The following SCN2A variants were observed in gnomAD, a reference collection of about 807,000 sequenced individuals.
The protein encoded by SCN2A is sodium channel protein type 2 subunit alpha.
A neutral mutation model predicts 188.7 loss-of-function variants in SCN2A; 20 were observed. That is an observed-to-expected ratio of 0.11 (90% CI 0.07 to 0.15). The LOEUF (loss-of-function observed/expected upper bound fraction) is 0.15. Among genes scored for constraint, SCN2A ranks in the 10% least tolerant of loss-of-function variants. The pLI is 1.00. For missense variants in SCN2A, 1,278 were observed against 2,445.0 expected (o/e 0.52, Z 10.07); for synonymous variants, 804 against 833.1 (o/e 0.97, Z 0.60).
chr2:165,281,314 G>A (rs1695575597), intron 1 of SCN2A, among the ~76,000 whole-genome samples: 1 of 152,014 alleles, frequency 6.6e-6, no homozygotes, highest in Non-Finnish European at 1.5e-5. Flanking sequence ...TGTGTTTTCA[G>A]TTGTAGGGGA....
chr2:165,384,599 G>T (rs1056293097), intron 25 of SCN2A, among the ~76,000 whole-genome samples: 12 of 152,162 alleles, frequency 7.9e-5, no homozygotes, highest in African/African-American at 2.9e-4. Flanking sequence ...TATACTCTAG[G>T]AGCCATATCT....
chr2:165,259,781 T>C (rs1694490536), intron 1 of SCN2A, among the ~76,000 whole-genome samples: 2 of 152,144 alleles, frequency 1.3e-5, no homozygotes, highest in Admixed American at 1.3e-4. Flanking sequence ...CAAATTCCTG[T>C]TAATGTTGAT....
In SCN2A at chr2:165,312,077, C is replaced by T; in HGVS notation, c.1023C>T (p.Ser341=). 6.2e-7 allele frequency: 1 copy of T among 1,612,234 alleles called. No homozygotes were observed. The highest frequency in any genetic ancestry group is 1.3e-5 in the African/African-American group (1 of 74,960). ...GQNDALLCGN[S]SDAGQCPEGY... is the part of the protein sequence containing the mutation. The stretch of plus-strand genomic sequence containing the variant: ...ATGATGCTCTGCTTTGTGGCAACAG[C>T]TCAGATGCAGGGTAAGTGATGCTTC... Residue 341 remains serine (S), a synonymous_variant, in exon 8 of 27, where the codon AGC becomes AGT. Transcript: ENST00000375437.
chr2:165,313,488 T>G, intron 8 of SCN2A, 132 bp from the exon 9 acceptor site: 2 of 902,664 alleles, frequency 2.2e-6, no homozygotes, highest in South Asian at 2.8e-5. Flanking sequence ...AGTTAAGTAC[T>G]GGGTAAGGTG....
At chr2:165,377,469 T>C (rs1701375966) in intron 22 of SCN2A, 128 bp from the exon 23 acceptor site, 2 of 744,160 alleles carry the variant, frequency 2.7e-6, no homozygotes, top group Non-Finnish European at 4.4e-6. Flanking sequence ...CAAAAGTGAA[T>C]ACAAATTTCA....
chr2:165,298,104 C>T (rs1574529753), intron 3 of SCN2A, among the ~76,000 whole-genome samples: 2 of 152,132 alleles, frequency 1.3e-5, no homozygotes, highest in Admixed American at 6.5e-5. Context: ...CTTCAGGAAT[C>T]AGAGGTAAGG....
At chr2:165,248,514 T>C (rs1693952419) in intron 1 of SCN2A, among the ~76,000 whole-genome samples, 1 of 152,146 alleles carries the variant, frequency 6.6e-6, no homozygotes, top group South Asian at 2.1e-4. Flanking sequence ...TACCTACTCT[T>C]AACTATCCCA....
chr2:165,279,881 C>T (rs1024073021), intron 1 of SCN2A, among the ~76,000 whole-genome samples: 7 of 152,084 alleles, frequency 4.6e-5, no homozygotes, highest in Non-Finnish European at 5.9e-5. Flanking sequence ...AGGTGTCTCC[C>T]GTGCTGTTCT....
chr2:165,376,231 T>C (rs1210117325), intron 22 of SCN2A, among the ~76,000 whole-genome samples: 1 of 152,010 alleles, frequency 6.6e-6, no homozygotes, highest in South Asian at 2.1e-4. Flanking sequence ...GCGATAATTA[T>C]ATATTACTTA....
chr2:165,269,849 C>T (rs1695029720), intron 1 of SCN2A: 1 of 151,632 alleles, frequency 6.6e-6, no homozygotes, highest in Admixed American at 6.6e-5. Flanking sequence ...ACATTTATAA[C>T]ATCTTATTTC....
chr2:165,264,329 A>G (rs1175006398), intron 1 of SCN2A, among the ~76,000 whole-genome samples: 1 of 152,176 alleles, frequency 6.6e-6, no homozygotes, highest in Non-Finnish European at 1.5e-5. Context: ...GATACACTGC[A>G]TAAACAGAAT....
At chr2:165,251,721 C>CT (rs1458721034) in intron 1 of SCN2A, among the ~76,000 whole-genome samples, 4 of 152,072 alleles carry the variant, frequency 2.6e-5, no homozygotes, top group Non-Finnish European at 5.9e-5. Context: ...TTCCTTAACC[C>CT]TAATATACCT....
intron 1 of SCN2A, among the ~76,000 whole-genome samples, chr2:165,293,495 A>G (rs1235464353): frequency 6.6e-6 from 1 of 152,142 alleles, no homozygotes; most frequent in Non-Finnish European, 1.5e-5. Context: ...ACTGAATACT[A>G]CAGGCAATTG....
intron 23 of SCN2A, 143 bp downstream of exon 23, chr2:165,377,793 C>T (rs559268750): frequency 3.4e-6 from 2 of 590,732 alleles, no homozygotes; most frequent in Non-Finnish European, 5.6e-6. Context: ...AATATTTAAT[C>T]ATACTATTTC....
chr2:165,274,531 C>G (rs908924292), intron 1 of SCN2A, among the ~76,000 whole-genome samples: 1 of 151,874 alleles, frequency 6.6e-6, no homozygotes, highest in African/African-American at 2.4e-5. Context: ...AATACATTAC[C>G]AAAACACTTT....
intron 3 of SCN2A, among the ~76,000 whole-genome samples, chr2:165,303,205 G>A (rs1021792108): frequency 6.6e-6 from 1 of 151,076 alleles, no homozygotes; most frequent in Non-Finnish European, 1.5e-5. Context: ...TTTGATGCAT[G>A]GCATCACCAA....
rs954209180 is a variant in SCN2A at position 165,276,062 on chromosome 2, C to A, written c.-51-19711C>A. Among the ~76,000 whole-genome samples the A allele has an allele frequency of 3.3e-5, 5 of 152,148 alleles. No individual in the cohort carries two copies. In the South Asian group the frequency reaches 1.0e-3, roughly 31 times the overall value. ...TATACTCTTTAATCCTCACAATAAT[C>A]TAGGTATTTTGACCAAAGAACCACA... On this transcript the variant is annotated intron_variant, in intron 1 of 26. Coordinates refer to ENST00000375437, the MANE Select transcript of SCN2A (RefSeq NM_001040142.2).
intron 14 of SCN2A, among the ~76,000 whole-genome samples, chr2:165,337,617 G>A (rs1699071855): frequency 1.3e-5 from 2 of 152,002 alleles, no homozygotes; most frequent in South Asian, 2.1e-4. Context: ...TGAGACTAAT[G>A]TCTTACCAGA....
intron 3 of SCN2A, among the ~76,000 whole-genome samples, chr2:165,297,565 G>T (rs1309687110): frequency 2.0e-5 from 3 of 152,150 alleles, no homozygotes; most frequent in Non-Finnish European, 4.4e-5. Flanking sequence ...TATGTTTTTG[G>T]TCTGAATTTT....
Sources: allele counts gnomAD v4.1 joint callset (sites outside exome capture counted in the v4.1 genomes callset), GRCh38; gene constraint gnomAD v4.1.1; transcripts MANE v1.5; gene names NCBI Gene and HGNC (gene_info 2026-07-23, HGNC 2026-07-21).